Variants in SEMA3E observed in about 807,000 individuals in gnomAD.
SEMA3E encodes semaphorin 3E.
SEMA3E carries 49 observed loss-of-function variants against 93.6 expected under a neutral mutation model. That is an observed-to-expected ratio of 0.52 (90% CI 0.42 to 0.66). The LOEUF (loss-of-function observed/expected upper bound fraction) is 0.66, where lower values mean the gene tolerates loss of function less well. SEMA3E is among the 30% of genes least tolerant of loss of function. The probability of loss-of-function intolerance (pLI) is 0.00; values close to 1 mark genes in which losing one functional copy is unlikely to be tolerated. For missense variants in SEMA3E, 906 were observed against 964.8 expected, an observed-to-expected ratio of 0.94 and a Z score of 0.81; for synonymous variants, 363 against 330.7, an observed-to-expected ratio of 1.10 and a Z score of -1.06.
At chr7:83,431,592 C>A (rs138860528) in intron 4 of SEMA3E, among the ~76,000 whole-genome samples, 1 of 151,956 alleles carries the variant, frequency 6.6e-6, no homozygotes, top group African/African-American at 2.4e-5. Context: ...GCAGTAGAGA[C>A]GAGATTTTGC....
At chr7:83,502,965 T>G (rs551557523) in intron 1 of SEMA3E, among the ~76,000 whole-genome samples, 1 of 152,140 alleles carries the variant, frequency 6.6e-6, no homozygotes, top group Non-Finnish European at 1.5e-5. Context: ...ATCAAATGAT[T>G]CATAGTACCT....
intron 14 of SEMA3E, among the ~76,000 whole-genome samples, chr7:83,391,113 C>T (rs755681989): frequency 4.6e-5 from 7 of 152,206 alleles, no homozygotes; most frequent in Admixed American, 1.3e-4. Context: ...ACCCATGGTA[C>T]GGCATGCTTG....
At chr7:83,588,139 T>C (rs10281329) in intron 1 of SEMA3E, among the ~76,000 whole-genome samples, 2,663 of 152,206 alleles carry the variant, frequency 0.017, 74 homozygotes, top group African/African-American at 0.059. Flanking sequence ...ATCCCAGCAC[T>C]TTGGGAGCCT....
chr7:83,443,572 A>G (rs1001901204), intron 4 of SEMA3E, among the ~76,000 whole-genome samples: 17 of 152,214 alleles, frequency 1.1e-4, no homozygotes, highest in African/African-American at 4.1e-4. Context: ...AAGACATTAT[A>G]TAAGAAATAA....
intron 2 of SEMA3E, among the ~76,000 whole-genome samples, chr7:83,471,673 C>A (rs1419928609): frequency 1.3e-5 from 2 of 152,134 alleles, no homozygotes; most frequent in East Asian, 3.9e-4. Context: ...GCTATACTTT[C>A]ATTCCAAAAG....
At chr7:83,506,257 G>A (rs945803116) in intron 1 of SEMA3E, among the ~76,000 whole-genome samples, 14 of 151,740 alleles carry the variant, frequency 9.2e-5, no homozygotes, top group East Asian at 1.9e-4. Flanking sequence ...AACGTATAGC[G>A]CATATACACA....
At chr7:83,443,091 T>C (rs55873784) in intron 4 of SEMA3E, among the ~76,000 whole-genome samples, 30,710 of 152,028 alleles carry the variant, frequency 0.2, 3,353 homozygotes, top group Middle Eastern at 0.32. Flanking sequence ...AGAACAAGTA[T>C]GATAAGAATA....
chr7:83,533,575 ATAAAATAAAATAAAATAAAATAAAT>A (rs1791349085), intron 1 of SEMA3E, among the ~76,000 whole-genome samples: 1 of 104,468 alleles, frequency 9.6e-6, no homozygotes, highest in Non-Finnish European at 2.3e-5. Context: ...ATAAAATAAA[ATAAAATAAAATAAAATAAAATAAAT>A]GAAACAAGCA....
At chr7:83,459,379 G>C (rs924653151) in intron 4 of SEMA3E, among the ~76,000 whole-genome samples, 2 of 152,068 alleles carry the variant, frequency 1.3e-5, no homozygotes, top group African/African-American at 4.8e-5. Flanking sequence ...TGAAACAAAA[G>C]CATTTTCAAA....
intron 1 of SEMA3E, among the ~76,000 whole-genome samples, chr7:83,565,461 C>T (rs143941449): frequency 0.018 from 2,670 of 152,108 alleles, 75 homozygotes; most frequent in African/African-American, 0.059. Context: ...CCATGGCACA[C>T]GTATACCTAT....
At chr7:83,400,284 C>G in intron 10 of SEMA3E, 34 bp from the exon 11 acceptor site, 2 of 1,587,978 alleles carry the variant, frequency 1.3e-6, no homozygotes, top group Non-Finnish European at 1.7e-6. Flanking sequence ...ATTCTTTTTG[C>G]TTTACACCCA....
At chr7:83,609,789 C>T (rs552127174) in intron 1 of SEMA3E, among the ~76,000 whole-genome samples, 5 of 151,862 alleles carry the variant, frequency 3.3e-5, no homozygotes, top group Middle Eastern at 3.6e-3. Context: ...AACAAATATC[C>T]TAAGTTAACT....
At chr7:83,457,644 T>C (rs937732531) in intron 4 of SEMA3E, among the ~76,000 whole-genome samples, 2 of 151,920 alleles carry the variant, frequency 1.3e-5, no homozygotes, top group Non-Finnish European at 2.9e-5. Flanking sequence ...ATAACGATCA[T>C]GTAATAGCCT....
At chr7:83,436,013 A>T (rs1007265959) in intron 4 of SEMA3E, among the ~76,000 whole-genome samples, 1 of 152,146 alleles carries the variant, frequency 6.6e-6, no homozygotes, top group East Asian at 1.9e-4. Flanking sequence ...ATGTTAAATT[A>T]TTTCATGATG....
chr7:83,423,405 T>G (rs1788707064), intron 4 of SEMA3E, among the ~76,000 whole-genome samples: 2 of 152,314 alleles, frequency 1.3e-5, no homozygotes, highest in South Asian at 2.1e-4. Context: ...TCACATTTAT[T>G]TGATTAATGG....
At chr7:83,529,461 A>G (rs1303432720) in intron 1 of SEMA3E, among the ~76,000 whole-genome samples, 1 of 152,200 alleles carries the variant, frequency 6.6e-6, no homozygotes, top group African/African-American at 2.4e-5. Flanking sequence ...AATAAACATA[A>G]AAGCATATTG....
At chr7:83,549,738 A>G (rs1693386) in intron 1 of SEMA3E, among the ~76,000 whole-genome samples, 50,674 of 151,912 alleles carry the variant, frequency 0.33, 10,354 homozygotes, top group African/African-American at 0.57. Context: ...CCAGACAAGT[A>G]TACTAAAAGT....
chr7:83,473,818 G>A (rs1439364952), intron 2 of SEMA3E, among the ~76,000 whole-genome samples: 1 of 152,106 alleles, frequency 6.6e-6, no homozygotes, highest in African/African-American at 2.4e-5. Context: ...TTTAGGACAG[G>A]TGAGGTGGCT....
intron 2 of SEMA3E, among the ~76,000 whole-genome samples, chr7:83,487,154 G>T (rs1401079656): frequency 3.3e-5 from 5 of 152,094 alleles, no homozygotes; most frequent in African/African-American, 1.2e-4. Context: ...CAGTACATGA[G>T]AGTGAGTAGG....
Sources: allele counts gnomAD v4.1 joint callset (sites outside exome capture counted in the v4.1 genomes callset), GRCh38; gene constraint gnomAD v4.1.1; transcripts MANE v1.5; gene names NCBI Gene and HGNC (gene_info 2026-07-23, HGNC 2026-07-21).